Variants in KIRREL3 observed in about 807,000 individuals in gnomAD.
The protein encoded by KIRREL3 is kin of IRRE-like protein 3.
In KIRREL3, 36 loss-of-function variants were observed where a neutral mutation model predicts 89.7. That is an observed-to-expected ratio of 0.40 (90% confidence interval 0.31 to 0.53). The LOEUF is 0.53. Among genes scored for constraint, KIRREL3 ranks in the 20% least tolerant of loss-of-function variants. The pLI is 0.49. For synonymous variants in KIRREL3, 445 were observed against 441.4 expected (o/e 1.01, Z -0.10); for missense variants, 864 against 1,056.6 (o/e 0.82, Z 2.53).
intron 1 of KIRREL3, among the ~76,000 whole-genome samples, chr11:126,690,088 T>C (rs1946820681): frequency 6.6e-6 from 1 of 152,186 alleles, no homozygotes; most frequent in Non-Finnish European, 1.5e-5. Context: ...ACTGAGATGT[T>C]TTCCCAGCGT....
chr11:126,724,927 G>C lies in KIRREL3; in HGVS notation c.56-162015C>G, dbSNP rs951484770. ...AGTATTTATTGTACCTTGACTTTGT[G>C]TCAGGTAGTGTGCTAGGTGCAGGAG... On this transcript the variant is annotated intron_variant, in intron 1 of 16. Transcript: ENST00000525144. This position sits in a 1 kb window ranked among gnomAD's most constrained non-coding sequence, Gnocchi z 4.3. Among the ~76,000 whole-genome samples the C allele has an allele frequency of 3.9e-5, 6 of 152,206 alleles. No individual in the cohort carries two copies. The highest frequency in any genetic ancestry group is 6.5e-5 in the Admixed American group (1 of 15,286).
rs1951624675 is a variant in KIRREL3, at chr11:126,817,818, C to T, written c.55+182637G>A. ...AGGTGACTCTGGCACTCTGGCTGTC[C>T]CAACCCCACCCTGATCTGAAGGCTG... On this transcript the variant is annotated intron_variant, in intron 1 of 16. Coordinates refer to ENST00000525144, the MANE Select transcript of KIRREL3 (RefSeq NM_032531.4). This position sits in a 1 kb window ranked among gnomAD's most constrained non-coding sequence, Gnocchi z 5.7. Among the ~76,000 whole-genome samples, 1 of 152,158 alleles carries T rather than the reference C, an allele frequency of 6.6e-6. No individual in the cohort carries two copies. Among genetic ancestry groups the T allele is most frequent in the Non-Finnish European group, 1.5e-5 (1 of 68,024 alleles).
intron 9 of KIRREL3, among the ~76,000 whole-genome samples, chr11:126,445,895 T>A (rs1176985026): frequency 6.6e-6 from 1 of 152,162 alleles, no homozygotes; most frequent in African/African-American, 2.4e-5. Flanking sequence ...ACGCCTGTAA[T>A]CCCAGCACTT....
intron 2 of KIRREL3, among the ~76,000 whole-genome samples, chr11:126,532,115 T>C (rs1958961939): frequency 6.6e-6 from 1 of 152,198 alleles, no homozygotes; most frequent in African/African-American, 2.4e-5. Context: ...TATACGTTGT[T>C]TCTGGCATGC....
chr11:126,826,985 T>G (rs114151231), intron 1 of KIRREL3, among the ~76,000 whole-genome samples: 30 of 152,308 alleles, frequency 2.0e-4, no homozygotes, highest in African/African-American at 7.0e-4. Flanking sequence ...TTCAGGCTGC[T>G]GGGATTATGG....
intron 1 of KIRREL3, among the ~76,000 whole-genome samples, chr11:126,971,723 C>G (rs2040339): frequency 6.6e-6 from 1 of 152,048 alleles, no homozygotes; most frequent in Non-Finnish European, 1.5e-5. Flanking sequence ...CAAAGGGCAT[C>G]GAAGACGGTC....
intron 2 of KIRREL3, among the ~76,000 whole-genome samples, chr11:126,552,075 T>C (rs1009847867): frequency 6.6e-6 from 1 of 152,260 alleles, no homozygotes; most frequent in African/African-American, 2.4e-5. Flanking sequence ...TTCGAGACTC[T>C]TTCCAGTTGT....
chr11:126,495,873 T>C lies in KIRREL3; in HGVS notation c.434-22407A>G, dbSNP rs924984590. ...CTACCAGGAGCTCAGGCCAAACACCTTGGGATTGTCCTTGACTTGCCCTTT... is the reference window on the plus strand; with the variant it reads ...CTACCAGGAGCTCAGGCCAAACACCCTGGGATTGTCCTTGACTTGCCCTTT... On this transcript the variant is annotated intron_variant, in intron 4 of 16. Coordinates refer to ENST00000525144, the MANE Select transcript of KIRREL3 (RefSeq NM_032531.4). This position sits in a 1 kb window ranked among gnomAD's most constrained non-coding sequence, Gnocchi z 6.5. 2.0e-5 allele frequency among the ~76,000 whole-genome samples: 3 copies of C among 152,238 alleles called. No individual in the cohort carries two copies. Among genetic ancestry groups the C allele is most frequent in the Non-Finnish European group, 2.9e-5 (2 of 68,042 alleles).
intron 1 of KIRREL3, among the ~76,000 whole-genome samples, chr11:126,966,002 C>A (rs1286198350): frequency 6.6e-6 from 1 of 152,088 alleles, no homozygotes; most frequent in African/African-American, 2.4e-5. Flanking sequence ...GAGAGTGTGA[C>A]CATTTGGTTC....
rs137904582 is a variant in KIRREL3, at chr11:126,924,106, G to A, written c.55+76349C>T. On this transcript the variant is annotated intron_variant, in intron 1 of 16. Transcript: ENST00000525144. The surrounding 1 kb of genome is among the most constrained non-coding windows in gnomAD (Gnocchi z 4.7). Reference sequence around the variant, plus strand: ...CTCTATTCCCAGTACTCGTCATAGCGCCTTGTAGACACTTGATAAGCAGTG... The same window carrying A: ...CTCTATTCCCAGTACTCGTCATAGCACCTTGTAGACACTTGATAAGCAGTG... Among the ~76,000 whole-genome samples the A allele has an allele frequency of 5.3e-5, 8 of 152,200 alleles. No homozygotes were observed. Among genetic ancestry groups the A allele is most frequent in the Non-Finnish European group, 1.0e-4 (7 of 68,010 alleles).
At chr11:126,545,310 A>G (rs1356975090) in intron 2 of KIRREL3, among the ~76,000 whole-genome samples, 1 of 152,164 alleles carries the variant, frequency 6.6e-6, no homozygotes, top group African/African-American at 2.4e-5. Flanking sequence ...AGCTGGCACC[A>G]AGGGGAGCCG....
chr11:126,950,935 G>C (rs570589323), intron 1 of KIRREL3, among the ~76,000 whole-genome samples: 45 of 152,348 alleles, frequency 3.0e-4, no homozygotes, highest in African/African-American at 1.1e-3. Flanking sequence ...TCTGCCCCAA[G>C]AGGGCAAAGA....
At chr11:126,982,875 G>A (rs534050838) in intron 1 of KIRREL3, among the ~76,000 whole-genome samples, 86 of 152,298 alleles carry the variant, frequency 5.6e-4, no homozygotes, top group African/African-American at 2.0e-3. Flanking sequence ...AAGGTCTATA[G>A]TATTTTAAAG....
chr11:126,450,567 G>GTGTGCATGTGTGCA (rs1158584823), intron 7 of KIRREL3, among the ~76,000 whole-genome samples: 2 of 150,944 alleles, frequency 1.3e-5, no homozygotes, highest in East Asian at 2.0e-4. Context: ...GTGCATGTGC[G>GTGTGCATGTGTGCA]TGTGCATGTG....
chr11:126,625,183 TC>T (rs1329932615), intron 1 of KIRREL3, among the ~76,000 whole-genome samples: 1 of 152,188 alleles, frequency 6.6e-6, no homozygotes, highest in Non-Finnish European at 1.5e-5. Context: ...AGTGCACGAT[TC>T]CAGTGACTGC....
At chr11:126,673,051 C>A (rs1036005491) in intron 1 of KIRREL3, among the ~76,000 whole-genome samples, 3 of 152,182 alleles carry the variant, frequency 2.0e-5, no homozygotes, top group Non-Finnish European at 4.4e-5. Flanking sequence ...GAAATGGTCC[C>A]CCAGTGTAGA....
rs1014288644 is a variant in KIRREL3, at chr11:126,508,194, T to G, written c.433+13121A>C. 6.6e-6 allele frequency among the ~76,000 whole-genome samples: 1 copy of G among 152,220 alleles called. No individual in the cohort carries two copies. Among genetic ancestry groups the G allele is most frequent in the African/African-American group, 2.4e-5 (1 of 41,462 alleles). The stretch of plus-strand genomic sequence containing the variant: ...CTTTATATAAACATTTATAAACACC[T>G]GGATCGACTTGTGAAAGTGTGACAC... On this transcript the variant is annotated intron_variant, in intron 4 of 16. Coordinates refer to ENST00000525144, the MANE Select transcript of KIRREL3 (RefSeq NM_032531.4). The surrounding 1 kb of genome is among the most constrained non-coding windows in gnomAD (Gnocchi z 4.9).
rs1254222819 is a variant in KIRREL3 at position 126,954,086 on chromosome 11, G to T, written c.55+46369C>A. ...CGGGGTCTAATTCTCCCCAGGGTCG[G>T]TCTGTGAGCGCCTCTAATACCCTAT... On this transcript the variant is annotated intron_variant, in intron 1 of 16. Coordinates refer to ENST00000525144, the MANE Select transcript of KIRREL3 (RefSeq NM_032531.4). The surrounding 1 kb of genome is among the most constrained non-coding windows in gnomAD (Gnocchi z 4.1). 2.0e-5 allele frequency among the ~76,000 whole-genome samples: 3 copies of T among 151,942 alleles called. No individual in the cohort carries two copies. Among genetic ancestry groups the T allele is most frequent in the African/African-American group, 7.3e-5 (3 of 41,356 alleles).
rs1452598065 is a variant in KIRREL3, at chr11:126,666,452, T to C, written c.56-103540A>G. Reference sequence around the variant, plus strand: ...AACTACCATTAGAGCTCTTAGAGGATTGCTGAGCCTTCTAAGGGTTTACCA... The same window carrying C: ...AACTACCATTAGAGCTCTTAGAGGACTGCTGAGCCTTCTAAGGGTTTACCA... On this transcript the variant is annotated intron_variant, in intron 1 of 16. Coordinates refer to ENST00000525144, the MANE Select transcript of KIRREL3 (RefSeq NM_032531.4). The surrounding 1 kb of genome is among the most constrained non-coding windows in gnomAD (Gnocchi z 4.2). Among the ~76,000 whole-genome samples, 1 of 152,214 alleles carries C rather than the reference T, an allele frequency of 6.6e-6. No individual in the cohort carries two copies. The highest frequency in any genetic ancestry group is 2.4e-5 in the African/African-American group (1 of 41,462).
Sources: gnomAD v4.1 joint callset for allele counts (sites outside exome capture counted in the v4.1 genomes callset) on GRCh38, gnomAD v4.1.1 for gene constraint, Gnocchi (gnomAD v3.1) non-coding constraint, MANE v1.5 for transcripts, NCBI Gene and HGNC (gene_info 2026-07-23, HGNC 2026-07-21) for gene names.